KSR2: variants seen among roughly 807,000 people sequenced by gnomAD.
KSR2 encodes the protein kinase suppressor of ras 2.
In KSR2, 25 loss-of-function variants were observed where a neutral mutation model predicts 107.8. The ratio of observed to expected loss-of-function variants is 0.23; its 90% confidence interval spans 0.17 to 0.32. The LOEUF is 0.32. KSR2 is among the 10% of genes least tolerant of loss of function. The probability of loss-of-function intolerance (pLI) is 1.00; values close to 1 mark genes in which losing one functional copy is unlikely to be tolerated. For synonymous variants in KSR2, 480 were observed against 507.0 expected (o/e 0.95, Z 0.71); for missense variants, 887 against 1,268.9 (o/e 0.70, Z 4.57).
Position 117,469,708 on chromosome 12 carries a change from G to A in KSR2, c.2800C>T (p.Arg934Ter), listed in dbSNP as rs1169646005. ...CCAGGGTGAGACAGGCGACGGTTTC[G>A]CTTTGGCAGTTTCTCCAGCATGTCC... ...LMDMLEKLPK[R>*]NRRLSHPGHF... The change falls in exon 19 of 20, where the codon CGA (arginine) becomes TGA (stop). Residue 934 changes from arginine (R) to a stop codon, truncating the protein, a stop_gained. Coordinates refer to ENST00000339824, the MANE Select transcript of KSR2 (RefSeq NM_173598.6). LOFTEE classifies it high-confidence loss of function. The A allele has an allele frequency of 1.2e-6, 2 of 1,613,430 alleles. No individual in the cohort carries two copies. Among genetic ancestry groups the A allele is most frequent in the Non-Finnish European group, 1.7e-6 (2 of 1,179,750 alleles).
chr12:117,621,803 A>G (rs921138045), intron 5 of KSR2, among the ~76,000 whole-genome samples: 1 of 152,152 alleles, frequency 6.6e-6, no homozygotes, highest in Non-Finnish European at 1.5e-5. Flanking sequence ...AAAATAAAAC[A>G]TATTTTTAAA....
chr12:117,631,374 T>C (rs997669206), intron 5 of KSR2, among the ~76,000 whole-genome samples: 14 of 152,200 alleles, frequency 9.2e-5, no homozygotes, highest in African/African-American at 3.4e-4. Context: ...GCTAGAGAGA[T>C]GCAATTTTAA....
intron 1 of KSR2, among the ~76,000 whole-genome samples, chr12:117,934,011 A>C (rs1895770173): frequency 6.6e-6 from 1 of 152,206 alleles, no homozygotes; most frequent in African/African-American, 2.4e-5. Context: ...CGACGTTGCA[A>C]ACTCTGAAAC....
At position 117,469,688 on chromosome 12, in the gene KSR2, G is replaced by A. The variant is rs1428026318; in HGVS notation, c.2820C>T (p.His940=). 3 of 1,613,090 alleles carry A rather than the reference G, an allele frequency of 1.9e-6. No homozygotes were observed. The highest frequency in any genetic ancestry group is 1.3e-5 in the African/African-American group (1 of 74,910). ...KLPKRNRRLS[H]PGHFWKSAEL ...CTGCAGACTTCCAGAAATGTCCAGG[G>A]TGAGACAGGCGACGGTTTCGCTTTG... The change falls in exon 19 of 20, where the codon CAC becomes CAT. Residue 940 remains histidine, a synonymous_variant. Transcript: ENST00000339824.
intron 5 of KSR2, among the ~76,000 whole-genome samples, chr12:117,585,481 TGG>T (rs1879929290): frequency 6.6e-6 from 1 of 152,232 alleles, no homozygotes; most frequent in Non-Finnish European, 1.5e-5. Context: ...TTGCATTAAG[TGG>T]CTGCAGCATC....
At chr12:117,605,941 C>T (rs773925652) in intron 5 of KSR2, among the ~76,000 whole-genome samples, 14 of 152,054 alleles carry the variant, frequency 9.2e-5, no homozygotes, top group Non-Finnish European at 1.9e-4. Flanking sequence ...TTTTATGCCT[C>T]AGTTAGATTC....
chr12:117,594,757 ACC>A (rs1880534203), intron 5 of KSR2, among the ~76,000 whole-genome samples: 1 of 152,212 alleles, frequency 6.6e-6, no homozygotes, highest in Admixed American at 6.5e-5. Flanking sequence ...AACAAAGTTA[ACC>A]TAGAGCAACA....
At chr12:117,706,744 A>T (rs1387114467) in intron 4 of KSR2, among the ~76,000 whole-genome samples, 1 of 149,740 alleles carries the variant, frequency 6.7e-6, no homozygotes. Flanking sequence ...TCTTTATGCC[A>T]TATAAATTAT....
intron 4 of KSR2, among the ~76,000 whole-genome samples, chr12:117,728,486 T>C (rs1206329816): frequency 6.6e-6 from 1 of 152,184 alleles, no homozygotes; most frequent in Non-Finnish European, 1.5e-5. Flanking sequence ...CATTATAACC[T>C]GGAATGGAAC....
At chr12:117,627,532 A>T (rs191726112) in intron 5 of KSR2, among the ~76,000 whole-genome samples, 1 of 151,998 alleles carries the variant, frequency 6.6e-6, no homozygotes, top group Non-Finnish European at 1.5e-5. Context: ...ATTGGCCCCC[A>T]CTCTCTTCTG....
At chr12:117,807,037 G>A (rs767745279) in intron 3 of KSR2, among the ~76,000 whole-genome samples, 13 of 152,102 alleles carry the variant, frequency 8.5e-5, no homozygotes, top group Non-Finnish European at 1.5e-4. Context: ...GCTCAGCCCC[G>A]CTCAGCGTCA....
chr12:117,562,628 C>T lies in KSR2; in HGVS notation c.1326-4055G>A, dbSNP rs74953541. On this transcript the variant is annotated intron_variant, in intron 7 of 19. Transcript: ENST00000339824. The stretch of plus-strand genomic sequence containing the variant: ...ATGCAATTTAGTTTAACCTGTAGAC[C>T]ACTGCTAACCCAAGACAGAACAGGT... Among the ~76,000 whole-genome samples the T allele has an allele frequency of 1.1e-3, 163 of 152,190 alleles. 1 individual carries two copies. Among genetic ancestry groups the T allele is most frequent in the African/African-American group, 3.7e-3 (153 of 41,506 alleles).
At chr12:117,934,749 T>G (rs1033568839) in intron 1 of KSR2, among the ~76,000 whole-genome samples, 1 of 152,248 alleles carries the variant, frequency 6.6e-6, no homozygotes, top group Non-Finnish European at 1.5e-5. Flanking sequence ...CACTCTAAGT[T>G]CTAAATATAA....
chr12:117,625,508 T>C (rs35863560), intron 5 of KSR2, among the ~76,000 whole-genome samples: 2 of 152,208 alleles, frequency 1.3e-5, no homozygotes, highest in Non-Finnish European at 2.9e-5. Context: ...ATTGCATTTA[T>C]TGATTTGCAT....
intron 1 of KSR2, among the ~76,000 whole-genome samples, chr12:117,920,096 T>C (rs1317659126): frequency 6.6e-6 from 1 of 152,188 alleles, no homozygotes; most frequent in Non-Finnish European, 1.5e-5. Context: ...ACGCCTGTAA[T>C]AATTTTTAAC....
At chr12:117,751,781 C>A (rs1888622366) in intron 4 of KSR2, among the ~76,000 whole-genome samples, 1 of 152,166 alleles carries the variant, frequency 6.6e-6, no homozygotes, top group Non-Finnish European at 1.5e-5. Flanking sequence ...CCCTGAGGAT[C>A]CACAGAAGAG....
intron 5 of KSR2, among the ~76,000 whole-genome samples, chr12:117,639,152 G>A (rs1167204002): frequency 6.6e-6 from 1 of 151,936 alleles, no homozygotes; most frequent in African/African-American, 2.4e-5. Flanking sequence ...CTGAGCTTTG[G>A]GGCACCTCTT....
chr12:117,592,066 T>C (rs910762634), intron 5 of KSR2, among the ~76,000 whole-genome samples: 3 of 151,800 alleles, frequency 2.0e-5, no homozygotes, highest in Admixed American at 6.6e-5. Context: ...GAAGATATAT[T>C]AATGTATTTA....
At chr12:117,562,040 A>G in intron 7 of KSR2, among the ~76,000 whole-genome samples, 1 of 152,208 alleles carries the variant, frequency 6.6e-6, no homozygotes, top group East Asian at 1.9e-4. Flanking sequence ...TCATAAGATC[A>G]TGAAAAAATA....
Sources: allele counts gnomAD v4.1 joint callset (sites outside exome capture counted in the v4.1 genomes callset), GRCh38; gene constraint gnomAD v4.1.1; transcripts MANE v1.5; gene names NCBI Gene and HGNC (gene_info 2026-07-23, HGNC 2026-07-21).